TTLL5: variants seen among roughly 807,000 people sequenced by gnomAD.
The protein encoded by TTLL5 is tubulin tyrosine ligase like 5, also known as tubulin polyglutamylase TTLL5.
A neutral mutation model predicts 168.4 loss-of-function variants in TTLL5; 132 were observed. The observed-to-expected ratio is 0.78, with a 90% confidence interval of 0.68 to 0.91. TTLL5 has a LOEUF of 0.91. Ranked by LOEUF, TTLL5 falls within the 40% of genes least tolerant of loss-of-function variation. The pLI, the probability that TTLL5 is intolerant of heterozygous loss-of-function variation, is 0.00. For synonymous variants in TTLL5, 546 were observed against 558.6 expected, an observed-to-expected ratio of 0.98 and a Z score of 0.32; for missense variants, 1,545 against 1,581.5, an observed-to-expected ratio of 0.98 and a Z score of 0.39.
At chr14:75,800,464 C>A (rs1893237242) in intron 27 of TTLL5, among the ~76,000 whole-genome samples, 1 of 152,052 alleles carries the variant, frequency 6.6e-6, no homozygotes, top group African/African-American at 2.4e-5. Flanking sequence ...CTTTTGAGTT[C>A]TTTTTCTGGC....
intron 31 of TTLL5, among the ~76,000 whole-genome samples, chr14:75,944,245 C>T (rs1321900156): frequency 2.0e-5 from 3 of 152,182 alleles, no homozygotes; most frequent in African/African-American, 7.2e-5. Flanking sequence ...ATACCTTCCG[C>T]CGGTAACATA....
intron 11 of TTLL5, among the ~76,000 whole-genome samples, chr14:75,720,033 A>G (rs2241442): frequency 0.36 from 54,413 of 152,070 alleles, 11,374 homozygotes; most frequent in East Asian, 0.61. Context: ...GGTCTGAAAG[A>G]CATAACTTTT....
At chr14:75,843,205 A>G (rs1896350910) in intron 28 of TTLL5, among the ~76,000 whole-genome samples, 1 of 152,170 alleles carries the variant, frequency 6.6e-6, no homozygotes, top group African/African-American at 2.4e-5. Context: ...TCTAGTCTGA[A>G]GCCCTCCTAG....
At chr14:75,885,498 G>A (rs550634623) in intron 30 of TTLL5, among the ~76,000 whole-genome samples, 2 of 152,296 alleles carry the variant, frequency 1.3e-5, no homozygotes, top group East Asian at 1.9e-4. Flanking sequence ...GAGTTCTCAC[G>A]TACCACTTGC....
chr14:75,773,957 A>AAGAGAGAG (rs1166420551), intron 21 of TTLL5, among the ~76,000 whole-genome samples: 4 of 43,358 alleles, frequency 9.2e-5, no homozygotes. Context: ...GAGAGAGAGA[A>AAGAGAGAG]AGAGAGAGAG....
intron 12 of TTLL5, among the ~76,000 whole-genome samples, chr14:75,722,795 C>T (rs779544222): frequency 6.6e-5 from 10 of 152,178 alleles, no homozygotes; most frequent in Admixed American, 2.0e-4. Context: ...GGCTTACAGG[C>T]ATGAGCTACC....
intron 2 of TTLL5, 49 bp from the exon 3 acceptor site, chr14:75,669,367 A>T (rs1217636836): frequency 5.9e-6 from 9 of 1,520,528 alleles, no homozygotes; most frequent in Non-Finnish European, 8.2e-6. Flanking sequence ...ATCAGCAGTT[A>T]GTTCAGGTTT....
intron 20 of TTLL5, 130 bp from the exon 21 acceptor site, chr14:75,771,604 A>T: frequency 7.6e-7 from 1 of 1,321,594 alleles, no homozygotes; most frequent in Non-Finnish European, 1.0e-6. Context: ...CACAGGCTGT[A>T]AGATGGGTTT....
At chr14:75,775,446 C>T in intron 21 of TTLL5, 38 bp from the exon 22 acceptor site, 1 of 1,608,228 alleles carries the variant, frequency 6.2e-7, no homozygotes, top group Non-Finnish European at 8.5e-7. Context: ...TAGCACCATC[C>T]CTCCTTTTTT....
intron 18 of TTLL5, among the ~76,000 whole-genome samples, chr14:75,761,956 T>TA (rs1433665477): frequency 1.3e-5 from 2 of 151,962 alleles, no homozygotes; most frequent in Non-Finnish European, 2.9e-5. Flanking sequence ...AAAAATTAGA[T>TA]AGACTGATGG....
At chr14:75,813,886 T>G in intron 27 of TTLL5, among the ~76,000 whole-genome samples, 1 of 151,460 alleles carries the variant, frequency 6.6e-6, no homozygotes, top group South Asian at 2.1e-4. Flanking sequence ...TCCAGACCCC[T>G]TTGTGACCAA....
intron 30 of TTLL5, among the ~76,000 whole-genome samples, chr14:75,895,088 G>A (rs957413650): frequency 3.3e-5 from 5 of 152,116 alleles, no homozygotes; most frequent in African/African-American, 1.2e-4. Context: ...TTTTGGACCA[G>A]CACTTAAAAT....
At chr14:75,755,982 C>T (rs1403592023) in intron 18 of TTLL5, among the ~76,000 whole-genome samples, 2 of 142,324 alleles carry the variant, frequency 1.4e-5, no homozygotes, top group African/African-American at 5.2e-5. Context: ...GCCACCCCCC[C>T]ACCGCCCCCC....
intron 30 of TTLL5, among the ~76,000 whole-genome samples, chr14:75,889,026 T>C (rs748053536): frequency 2.0e-5 from 3 of 151,224 alleles, no homozygotes; most frequent in Non-Finnish European, 4.4e-5. Context: ...TTTTAGAAAA[T>C]ACCTAATGTG....
chr14:75,953,951 A>C (rs976847766), intron 31 of TTLL5, among the ~76,000 whole-genome samples: 1 of 152,126 alleles, frequency 6.6e-6, no homozygotes, highest in African/African-American at 2.4e-5. Flanking sequence ...AAAGTGGTTA[A>C]AATTAAGAGC....
chr14:75,840,358 A>G (rs559276029), intron 28 of TTLL5, among the ~76,000 whole-genome samples: 4 of 152,246 alleles, frequency 2.6e-5, no homozygotes, highest in South Asian at 4.2e-4. Flanking sequence ...TAAGCCTTGC[A>G]TGCATTAGGT....
chr14:75,757,191 TGGTCTTGACCTCCTGAGCTCAGGCA>T (rs1222785093), intron 18 of TTLL5, among the ~76,000 whole-genome samples: 1 of 152,208 alleles, frequency 6.6e-6, no homozygotes, highest in Non-Finnish European at 1.5e-5. Flanking sequence ...TTGCCCAGGC[TGGTCTTGACCTCCTGAGCTCAGGCA>T]ATCCCCCTGC....
chr14:75,692,974 AAAGC>A (rs1171090347), intron 6 of TTLL5, among the ~76,000 whole-genome samples: 1 of 152,106 alleles, frequency 6.6e-6, no homozygotes, highest in East Asian at 1.9e-4. Context: ...GGAGAGAAAA[AAAGC>A]AGCAGCACCG....
rs763502137 is a variant in TTLL5, at chr14:75,669,422, T to C, written c.81T>C (p.His27=). Residue 27 remains histidine (H), a synonymous_variant, in exon 3 of 32, where the codon CAT becomes CAC. Coordinates refer to ENST00000298832, the MANE Select transcript of TTLL5 (RefSeq NM_015072.5). ...EDEEVISQED[H]PCIMWTGGCR... Reference sequence around the variant, plus strand: ...GGCTTTTTTGTCGTTATAGGGATCATCCATGCATCATGTGGACTGGAGGCT... The same window carrying C: ...GGCTTTTTTGTCGTTATAGGGATCACCCATGCATCATGTGGACTGGAGGCT... The C allele has an allele frequency of 1.2e-5, 19 of 1,613,740 alleles. No individual in the cohort carries two copies. The highest frequency in any genetic ancestry group is 1.5e-5 in the Non-Finnish European group (18 of 1,179,818).
Sources: allele counts gnomAD v4.1 joint callset (sites outside exome capture counted in the v4.1 genomes callset), GRCh38; gene constraint gnomAD v4.1.1; transcripts MANE v1.5; gene names NCBI Gene and HGNC (gene_info 2026-07-23, HGNC 2026-07-21).